The following NKAIN2 variants were observed in gnomAD, a reference collection of about 807,000 sequenced individuals.
NKAIN2 encodes sodium/potassium transporting ATPase interacting 2, also known as sodium/potassium-transporting ATPase subunit beta-1-interacting protein 2.
NKAIN2 carries 14 observed loss-of-function variants against 32.6 expected under a neutral mutation model. The ratio of observed to expected loss-of-function variants is 0.43; its 90% CI spans 0.28 to 0.67. The LOEUF is 0.67. NKAIN2 is among the 30% of genes least tolerant of loss of function. The pLI is 0.17. For synonymous variants in NKAIN2, 80 were observed against 87.2 expected, an observed-to-expected ratio of 0.92 and a Z score of 0.46; for missense variants, 198 against 258.3, an observed-to-expected ratio of 0.77 and a Z score of 1.60.
chr6:124,178,722 G>T (rs1330050224), intron 1 of NKAIN2, among the ~76,000 whole-genome samples: 1 of 152,216 alleles, frequency 6.6e-6, no homozygotes, highest in Non-Finnish European at 1.5e-5. Flanking sequence ...CAAGGTGACA[G>T]AGCTATTCTT....
intron 1 of NKAIN2, among the ~76,000 whole-genome samples, chr6:124,184,353 A>T (rs1358202522): frequency 1.3e-5 from 2 of 152,058 alleles, no homozygotes; most frequent in Admixed American, 6.6e-5. Flanking sequence ...CTTAGTCTTA[A>T]AAACCTCTCT....
At chr6:124,639,982 T>A (rs1438418371) in intron 3 of NKAIN2, among the ~76,000 whole-genome samples, 1 of 152,136 alleles carries the variant, frequency 6.6e-6, no homozygotes, top group Non-Finnish European at 1.5e-5. Flanking sequence ...GAGAGGATTT[T>A]GAATGTCTCC....
intron 3 of NKAIN2, among the ~76,000 whole-genome samples, chr6:124,570,515 G>C (rs990603038): frequency 5.9e-5 from 9 of 152,156 alleles, no homozygotes; most frequent in African/African-American, 1.9e-4. Flanking sequence ...GGTTGAAAGG[G>C]GCCAATGTAC....
intron 1 of NKAIN2, among the ~76,000 whole-genome samples, chr6:124,204,098 C>G (rs1199078137): frequency 6.6e-6 from 1 of 151,802 alleles, no homozygotes; most frequent in Non-Finnish European, 1.5e-5. Flanking sequence ...CATCCTTATC[C>G]TGCTGCTCTT....
At chr6:124,616,481 T>C (rs1441045761) in intron 3 of NKAIN2, among the ~76,000 whole-genome samples, 1 of 60,008 alleles carries the variant, frequency 1.7e-5, no homozygotes, top group African/African-American at 5.8e-5. Flanking sequence ...TTTTTTTTTT[T>C]TTTTTTTTTT....
intron 1 of NKAIN2, among the ~76,000 whole-genome samples, chr6:124,256,586 A>AG (rs1793942685): frequency 6.6e-6 from 1 of 152,224 alleles, no homozygotes. Flanking sequence ...AGTATGATTA[A>AG]GAGTAGATAA....
At chr6:124,162,043 AAAT>A (rs1437522548) in intron 1 of NKAIN2, among the ~76,000 whole-genome samples, 1 of 152,154 alleles carries the variant, frequency 6.6e-6, no homozygotes, top group Non-Finnish European at 1.5e-5. Flanking sequence ...TAGCTTTAGA[AAAT>A]AAATTATTTC....
chr6:124,603,073 A>G (rs1317956148), intron 3 of NKAIN2, among the ~76,000 whole-genome samples: 3 of 151,992 alleles, frequency 2.0e-5, no homozygotes, highest in African/African-American at 7.2e-5. Flanking sequence ...GTGCTACATT[A>G]TTTCACTTGC....
chr6:124,372,345 G>A lies in NKAIN2; in HGVS notation c.273+16998G>A, dbSNP rs538884295. On this transcript the variant is annotated intron_variant, in intron 3 of 6. Coordinates refer to ENST00000368417, the MANE Select transcript of NKAIN2 (RefSeq NM_001040214.3). ...TTTGAGTGGGATGTGCAGGCTGTCT[G>A]TATGTGACATGTATCACCCCTCAGA... 1.2e-4 allele frequency among the ~76,000 whole-genome samples: 18 copies of A among 152,218 alleles called. 1 individual carries two copies. The highest frequency in any genetic ancestry group is 2.5e-4 in the Non-Finnish European group (17 of 67,994).
At chr6:124,573,090 C>G (rs1387624184) in intron 3 of NKAIN2, among the ~76,000 whole-genome samples, 1 of 151,982 alleles carries the variant, frequency 6.6e-6, no homozygotes, top group African/African-American at 2.4e-5. Flanking sequence ...TCCGCCCACC[C>G]CGGCCTCCCA....
chr6:123,846,844 G>GCGCA (rs141897220), intron 1 of NKAIN2, among the ~76,000 whole-genome samples: 54 of 150,732 alleles, frequency 3.6e-4, no homozygotes, highest in Admixed American at 6.6e-4. Context: ...ACGCACGCGC[G>GCGCA]CACACACACA....
intron 3 of NKAIN2, among the ~76,000 whole-genome samples, chr6:124,514,418 C>T (rs1322619981): frequency 6.6e-6 from 1 of 152,156 alleles, no homozygotes. Flanking sequence ...CTTTCGTTTA[C>T]AATTAAAGCA....
intron 3 of NKAIN2, among the ~76,000 whole-genome samples, chr6:124,431,763 AAC>A (rs770826244): frequency 2.0e-5 from 3 of 152,088 alleles, no homozygotes; most frequent in Non-Finnish European, 2.9e-5. Context: ...AAGTGTTTGT[AAC>A]ACACACACAC....
chr6:124,310,936 A>C (rs374745872), intron 2 of NKAIN2, among the ~76,000 whole-genome samples: 21 of 152,250 alleles, frequency 1.4e-4, no homozygotes, highest in African/African-American at 4.6e-4. Context: ...TGCAACTAAA[A>C]ATCTGTGAAC....
intron 1 of NKAIN2, among the ~76,000 whole-genome samples, chr6:124,280,682 C>T (rs1582981815): frequency 6.6e-6 from 1 of 152,140 alleles, no homozygotes; most frequent in Non-Finnish European, 1.5e-5. Context: ...CTCCCAGGTC[C>T]ACTATACAGG....
At chr6:123,842,514 G>C (rs1774914199) in intron 1 of NKAIN2, among the ~76,000 whole-genome samples, 1 of 152,050 alleles carries the variant, frequency 6.6e-6, no homozygotes. Flanking sequence ...TGGGGGTTAG[G>C]ACTTCAACAT....
intron 1 of NKAIN2, among the ~76,000 whole-genome samples, chr6:123,840,341 A>G (rs946801642): frequency 6.6e-6 from 1 of 152,102 alleles, no homozygotes; most frequent in African/African-American, 2.4e-5. Flanking sequence ...TCTGCCAAAA[A>G]ATTATACAAC....
intron 4 of NKAIN2, among the ~76,000 whole-genome samples, chr6:124,738,440 G>A (rs554569089): frequency 3.3e-5 from 5 of 151,796 alleles, no homozygotes; most frequent in Admixed American, 6.6e-5. Context: ...ATTCCACAAA[G>A]CAAAATTATA....
chr6:124,692,968 C>T (rs1774331509), intron 4 of NKAIN2, among the ~76,000 whole-genome samples: 1 of 152,164 alleles, frequency 6.6e-6, no homozygotes, highest in South Asian at 2.1e-4. Context: ...ATAATTTGAA[C>T]TCATCACAGT....
Sources: allele counts gnomAD v4.1 joint callset (sites outside exome capture counted in the v4.1 genomes callset), GRCh38; gene constraint gnomAD v4.1.1; transcripts MANE v1.5; gene names NCBI Gene and HGNC (gene_info 2026-07-23, HGNC 2026-07-21).